The following NT5DC1 variants were observed in gnomAD, a reference collection of about 807,000 sequenced individuals.
NT5DC1 encodes the protein 5'-nucleotidase domain containing 1, also known as 5'-nucleotidase domain-containing protein 1.
NT5DC1 carries 42 observed loss-of-function variants against 59.4 expected under a neutral mutation model. That is an observed-to-expected ratio of 0.71 (90% CI 0.55 to 0.92). The LOEUF is 0.92. Among genes scored for constraint, NT5DC1 ranks in the 40% least tolerant of loss-of-function variants. The probability of loss-of-function intolerance (pLI) is 0.00; values close to 1 mark genes in which losing one functional copy is unlikely to be tolerated. For missense variants in NT5DC1, 501 were observed against 537.1 expected (o/e 0.93, Z 0.66); for synonymous variants, 172 against 188.1 (o/e 0.91, Z 0.70).
At chr6:116,146,647 T>C (rs1779904557) in intron 6 of NT5DC1, among the ~76,000 whole-genome samples, 1 of 152,202 alleles carries the variant, frequency 6.6e-6, no homozygotes, top group Admixed American at 6.5e-5. Flanking sequence ...TTTCCTATAG[T>C]TATGTTATAA....
In NT5DC1 at chr6:116,182,235, G is replaced by GTGTGTGTGTGTGTGTA. The variant is rs553081922; in HGVS notation, c.530-38804_530-38803insATGTGTGTGTGTGTGT. Among the ~76,000 whole-genome samples the GTGTGTGTGTGTGTGTA allele has an allele frequency of 4.3e-3, 650 of 151,418 alleles. 7 individuals are homozygous for GTGTGTGTGTGTGTGTA. The highest frequency in any genetic ancestry group is 0.024 in the East Asian group (121 of 5,124). On this transcript the variant is annotated intron_variant, in intron 6 of 11. Coordinates refer to ENST00000319550, the MANE Select transcript of NT5DC1 (RefSeq NM_152729.3). ...TATTCCATGGAGAGTGTGTGTGTGT[G>GTGTGTGTGTGTGTGTA]TGTGTGTGTGTGTGTGTGTATCACA...
chr6:116,183,472 A>G (rs1376104715), intron 6 of NT5DC1, among the ~76,000 whole-genome samples: 1 of 151,960 alleles, frequency 6.6e-6, no homozygotes, highest in African/African-American at 2.4e-5. Flanking sequence ...CAGTATGGTC[A>G]TTTTTTAAAT....
rs537446292 is a variant in NT5DC1 at position 116,163,075 on chromosome 6, C to G, written c.529+45130C>G. ...CCGGGAGGTGGAGCTTGCAGTGAGC[C>G]GAGATCGTGCCACTGCACTCCAGCC... On this transcript the variant is annotated intron_variant, in intron 6 of 11. Coordinates refer to ENST00000319550, the MANE Select transcript of NT5DC1 (RefSeq NM_152729.3). Among the ~76,000 whole-genome samples, 428 of 142,564 alleles carry G rather than the reference C, an allele frequency of 3.0e-3. 2 individuals carry two copies. The highest frequency in any genetic ancestry group is 0.01 in the African/African-American group (383 of 37,352). 93.5% of individuals were successfully genotyped at this position (142,564 alleles called of 152,430 possible). A position where few individuals can be genotyped will look rare whatever the true frequency, so the allele number is the denominator to read the frequency against.
intron 6 of NT5DC1, among the ~76,000 whole-genome samples, chr6:116,192,874 G>A (rs60525685): frequency 6.6e-6 from 1 of 152,002 alleles, no homozygotes; most frequent in Non-Finnish European, 1.5e-5. Context: ...AACTTCCCCT[G>A]CTTTCTCACG....
Position 116,148,146 on chromosome 6 carries a change from A to G in NT5DC1, c.529+30201A>G, listed in dbSNP as rs149253261. On this transcript the variant is annotated intron_variant, in intron 6 of 11. Coordinates refer to ENST00000319550, the MANE Select transcript of NT5DC1 (RefSeq NM_152729.3). Reference sequence around the variant, plus strand: ...ATATGTATGTAACACAGAATATCTCATATTCCTTGTATAAGGATAGACAAA... The same window carrying G: ...ATATGTATGTAACACAGAATATCTCGTATTCCTTGTATAAGGATAGACAAA... 3.0e-3 allele frequency among the ~76,000 whole-genome samples: 460 copies of G among 152,296 alleles called. 2 individuals carry two copies. Among genetic ancestry groups the G allele is most frequent in the African/African-American group, 0.01 (435 of 41,562 alleles).
At chr6:116,147,901 G>A (rs772310470) in intron 6 of NT5DC1, among the ~76,000 whole-genome samples, 27 of 151,870 alleles carry the variant, frequency 1.8e-4, no homozygotes, top group Admixed American at 3.3e-4. Flanking sequence ...CATGGGAATC[G>A]CTTGAACCTG....
intron 6 of NT5DC1, among the ~76,000 whole-genome samples, chr6:116,190,516 C>T (rs971677918): frequency 2.6e-5 from 4 of 152,046 alleles, no homozygotes; most frequent in Non-Finnish European, 5.9e-5. Context: ...AAACAAGCAT[C>T]CCCCCACCTC....
chr6:116,166,553 T>G (rs1274464042), intron 6 of NT5DC1, among the ~76,000 whole-genome samples: 2 of 152,118 alleles, frequency 1.3e-5, no homozygotes, highest in African/African-American at 4.8e-5. Flanking sequence ...CATCAGAGAG[T>G]GAGAAACTCC....
intron 6 of NT5DC1, among the ~76,000 whole-genome samples, chr6:116,178,106 CGTGCGTGT>C (rs1265789761): frequency 6.7e-4 from 88 of 130,828 alleles, no homozygotes; most frequent in African/African-American, 1.0e-3. Flanking sequence ...CGCGCGCGTG[CGTGCGTGT>C]GTGTGTGTGT....
At chr6:116,212,113 T>C (rs1335328989) in intron 6 of NT5DC1, among the ~76,000 whole-genome samples, 1 of 152,146 alleles carries the variant, frequency 6.6e-6, no homozygotes, top group Admixed American at 6.6e-5. Flanking sequence ...ATCAATTCTT[T>C]TTCAAATTTT....
Position 116,110,905 on chromosome 6 carries a change from A to G in NT5DC1, c.313A>G (p.Lys105Glu), listed in dbSNP as rs754382237. 1.8e-5 allele frequency: 29 copies of G among 1,614,170 alleles called. No homozygotes were observed. The Middle Eastern group carries it at 4.9e-4, about 28-fold the overall frequency. The change falls in exon 4 of 12, where the codon AAG becomes GAG. Residue 105 changes from lysine to glutamate, a missense_variant. Coordinates refer to ENST00000319550, the MANE Select transcript of NT5DC1 (RefSeq NM_152729.3). ...AGAGGTGCTGGCAGAGGCATATGGC[A>G]AGAAAGAGTGGAAGCACTTCTTGTC... ...TPEVLAEAYG[K>E]KEWKHFLSDT...
chr6:116,118,018 G>T, intron 6 of NT5DC1, 73 bp downstream of exon 6: 1 of 804,986 alleles, frequency 1.2e-6, no homozygotes, highest in Non-Finnish European at 2.2e-6. Flanking sequence ...TAGCTGAAAA[G>T]TAGGTACTTT....
chr6:116,131,731 T>C (rs993884478), intron 6 of NT5DC1, among the ~76,000 whole-genome samples: 2 of 152,144 alleles, frequency 1.3e-5, no homozygotes, highest in South Asian at 2.1e-4. Flanking sequence ...ATAGGTAAAC[T>C]TGTGTCATGG....
At chr6:116,124,783 A>C (rs1469645086) in intron 6 of NT5DC1, among the ~76,000 whole-genome samples, 1 of 152,228 alleles carries the variant, frequency 6.6e-6, no homozygotes, top group East Asian at 1.9e-4. Context: ...CAAAATGTAT[A>C]AGTAATTATG....
chr6:116,106,006 T>G (rs1364628584), intron 1 of NT5DC1, among the ~76,000 whole-genome samples: 1 of 152,222 alleles, frequency 6.6e-6, no homozygotes, highest in East Asian at 1.9e-4. Flanking sequence ...TTAATAATTG[T>G]CTTTGGTTGT....
chr6:116,122,031 T>C lies in NT5DC1; in HGVS notation c.529+4086T>C. 6 of 1,307,044 alleles carry C rather than the reference T, an allele frequency of 4.6e-6. No homozygotes were observed. In the South Asian group the frequency reaches 4.7e-5, roughly 10 times the overall value. The allele number at this position is 1,307,044 out of a possible 1,614,324, so 81.0% of individuals were successfully genotyped here. A position where few individuals can be genotyped will look rare whatever the true frequency, so the allele number is the denominator to read the frequency against. On this transcript the variant is annotated intron_variant, in intron 6 of 11. Transcript: ENST00000319550. ...AGTGACATTAAAGAGAATCATTGCC[T>C]TTCAAACTATGAATTGGGACACGAT...
At chr6:116,233,631 A>G (rs543001278) in intron 8 of NT5DC1, among the ~76,000 whole-genome samples, 1 of 152,286 alleles carries the variant, frequency 6.6e-6, no homozygotes, top group South Asian at 2.1e-4. Flanking sequence ...CCCAATTTGA[A>G]ATCCTTTGGA....
chr6:116,193,041 A>C (rs538400878), intron 6 of NT5DC1, among the ~76,000 whole-genome samples: 1 of 152,224 alleles, frequency 6.6e-6, no homozygotes, highest in Admixed American at 6.5e-5. Context: ...ATGTAAATGC[A>C]GCATTACTAA....
chr6:116,125,350 A>G (rs1373082684), intron 6 of NT5DC1: 25 of 1,613,656 alleles, frequency 1.5e-5, no homozygotes, highest in Non-Finnish European at 2.1e-5. Flanking sequence ...TTTACTCTTT[A>G]TGGTGTAGGG....
Sources: allele counts gnomAD v4.1 joint callset (sites outside exome capture counted in the v4.1 genomes callset), GRCh38; gene constraint gnomAD v4.1.1; transcripts MANE v1.5; gene names NCBI Gene and HGNC (gene_info 2026-07-23, HGNC 2026-07-21).